GALNTL6: variants seen among roughly 807,000 people sequenced by gnomAD.
GALNTL6 encodes the protein polypeptide N-acetylgalactosaminyltransferase like 6.
In GALNTL6, 46 loss-of-function variants were observed where a neutral mutation model predicts 73.7. The observed-to-expected ratio is 0.62, with a 90% CI of 0.49 to 0.80. GALNTL6 has a LOEUF of 0.80. Among genes scored for constraint, GALNTL6 ranks in the 30% least tolerant of loss-of-function variants. GALNTL6 has a pLI of 0.00. For synonymous variants in GALNTL6, 259 were observed against 263.7 expected (o/e 0.98, Z 0.17); for missense variants, 604 against 755.0 (o/e 0.80, Z 2.34).
chr4:172,685,335 A>G (rs1274134432), intron 5 of GALNTL6, among the ~76,000 whole-genome samples: 1 of 152,192 alleles, frequency 6.6e-6, no homozygotes, highest in East Asian at 1.9e-4. Flanking sequence ...CTACTCAATT[A>G]TAGAAGACAT....
chr4:172,837,342 A>C (rs1184292164), intron 7 of GALNTL6, among the ~76,000 whole-genome samples: 1 of 152,320 alleles, frequency 6.6e-6, no homozygotes, highest in African/African-American at 2.4e-5. Context: ...GCAGATCATC[A>C]GTCCGCTCTT....
At chr4:172,979,907 C>T (rs1750994404) in intron 10 of GALNTL6, among the ~76,000 whole-genome samples, 1 of 152,218 alleles carries the variant, frequency 6.6e-6, no homozygotes, top group Admixed American at 6.5e-5. Flanking sequence ...GAAGTAATCC[C>T]TGTCCTTTTG....
At chr4:171,921,661 T>C (rs1474793456) in intron 2 of GALNTL6, among the ~76,000 whole-genome samples, 1 of 152,140 alleles carries the variant, frequency 6.6e-6, no homozygotes, top group African/African-American at 2.4e-5. Context: ...TCAAATATTC[T>C]GAGAACAATT....
intron 2 of GALNTL6, among the ~76,000 whole-genome samples, chr4:172,014,251 T>C (rs936070786): frequency 5.3e-5 from 8 of 152,050 alleles, no homozygotes; most frequent in African/African-American, 1.9e-4. Flanking sequence ...GTGAGATTGC[T>C]GGATTGTCTG....
At chr4:172,336,886 C>T (rs974174512) in intron 4 of GALNTL6, among the ~76,000 whole-genome samples, 3 of 152,082 alleles carry the variant, frequency 2.0e-5, no homozygotes, top group Non-Finnish European at 4.4e-5. Context: ...ATGACTGTGT[C>T]TTTTTGTAGG....
At chr4:172,787,142 C>T (rs1739707028) in intron 5 of GALNTL6, among the ~76,000 whole-genome samples, 1 of 152,080 alleles carries the variant, frequency 6.6e-6, no homozygotes, top group Non-Finnish European at 1.5e-5. Context: ...TGCCAAATTG[C>T]CCTACCAAGT....
At chr4:172,738,936 A>T (rs939001945) in intron 5 of GALNTL6, among the ~76,000 whole-genome samples, 3 of 152,216 alleles carry the variant, frequency 2.0e-5, no homozygotes, top group Non-Finnish European at 2.9e-5. Context: ...TGTCTGGGTT[A>T]TGATAAGAGG....
Position 173,040,671 on chromosome 4 carries a change from A to G in GALNTL6, c.*571A>G, listed in dbSNP as rs529552431. 1 of 152,718 alleles carries G rather than the reference A, an allele frequency of 6.5e-6. No homozygotes were observed. The highest frequency in any genetic ancestry group is 1.9e-4 in the East Asian group (1 of 5,184). 9.5% of individuals were successfully genotyped at this position (152,718 alleles called of 1,614,324 possible). On this transcript the variant is annotated 3_prime_UTR_variant, in exon 13 of 13. Transcript: ENST00000506823. The stretch of plus-strand genomic sequence containing the variant: ...TTTTATTTTTAAATGAGGGTGCAAT[A>G]TCTAATGTAAGACTTAAATTACATA...
intron 7 of GALNTL6, among the ~76,000 whole-genome samples, chr4:172,845,216 C>CAAAAAAAAAA (rs11336973): frequency 2.2e-5 from 2 of 91,040 alleles, no homozygotes; most frequent in African/African-American, 7.7e-5. Flanking sequence ...GTCTCTGTCT[C>CAAAAAAAAAA]AAAAAAAAAA....
intron 2 of GALNTL6, among the ~76,000 whole-genome samples, chr4:171,898,798 A>G (rs867575538): frequency 6.6e-6 from 1 of 152,044 alleles, no homozygotes; most frequent in Non-Finnish European, 1.5e-5. Context: ...TCATAGTTAC[A>G]TGATAATGTA....
At chr4:172,235,210 T>TTTTG (rs1737201089) in intron 3 of GALNTL6, among the ~76,000 whole-genome samples, 1 of 152,296 alleles carries the variant, frequency 6.6e-6, no homozygotes, top group South Asian at 2.1e-4. Flanking sequence ...TTTGTCACTT[T>TTTTG]TTTGTTTGTT....
chr4:172,067,490 C>A (rs1245901928), intron 2 of GALNTL6, among the ~76,000 whole-genome samples: 5 of 41,224 alleles, frequency 1.2e-4, no homozygotes, highest in South Asian at 5.2e-4. Context: ...ATATAGCCAT[C>A]TACTTGGCCT....
At chr4:172,575,875 A>G (rs933873595) in intron 5 of GALNTL6, among the ~76,000 whole-genome samples, 2 of 151,966 alleles carry the variant, frequency 1.3e-5, no homozygotes, top group African/African-American at 2.4e-5. Flanking sequence ...CAGTTTTGGG[A>G]TTTGCTATAT....
intron 5 of GALNTL6, among the ~76,000 whole-genome samples, chr4:172,726,991 G>A (rs369743128): frequency 9.2e-5 from 14 of 152,142 alleles, no homozygotes; most frequent in Admixed American, 3.3e-4. Flanking sequence ...TCTCAAAGGC[G>A]AAAGACATCC....
chr4:172,182,752 T>TA (rs925419002), intron 2 of GALNTL6, among the ~76,000 whole-genome samples: 8 of 151,992 alleles, frequency 5.3e-5, no homozygotes, highest in African/African-American at 1.9e-4. Context: ...ATTTTAAATA[T>TA]AAAAAAATTT....
chr4:172,660,514 G>A (rs765585097), intron 5 of GALNTL6, among the ~76,000 whole-genome samples: 3 of 152,236 alleles, frequency 2.0e-5, no homozygotes, highest in Non-Finnish European at 2.9e-5. Context: ...AGTTCAGATT[G>A]CCCTTGCCTT....
At chr4:172,469,449 T>TAA (rs36066213) in intron 5 of GALNTL6, among the ~76,000 whole-genome samples, 69 of 145,616 alleles carry the variant, frequency 4.7e-4, no homozygotes, top group South Asian at 8.6e-4. Context: ...CTACAAAAAA[T>TAA]AAAAAAAAAA....
intron 5 of GALNTL6, among the ~76,000 whole-genome samples, chr4:172,357,065 A>G (rs1203279882): frequency 6.6e-6 from 1 of 152,154 alleles, no homozygotes; most frequent in Non-Finnish European, 1.5e-5. Context: ...GAAATAGAGG[A>G]TTCATGAGAA....
intron 2 of GALNTL6, among the ~76,000 whole-genome samples, chr4:171,896,924 C>T (rs1452099958): frequency 6.6e-6 from 1 of 151,370 alleles, no homozygotes; most frequent in Non-Finnish European, 1.5e-5. Flanking sequence ...TAAGAAAAGC[C>T]AAGGAAGGAA....
Sources: gnomAD v4.1 joint callset for allele counts (sites outside exome capture counted in the v4.1 genomes callset) on GRCh38, gnomAD v4.1.1 for gene constraint, MANE v1.5 for transcripts, NCBI Gene and HGNC (gene_info 2026-07-23, HGNC 2026-07-21) for gene names.